The following MXI1 variants were observed in gnomAD, a reference collection of about 807,000 sequenced individuals.
MXI1 encodes max-interacting protein 1.
A neutral mutation model predicts 36.9 loss-of-function variants in MXI1; 18 were observed. The observed-to-expected ratio is 0.49, with a 90% CI of 0.34 to 0.72. MXI1 has a LOEUF of 0.72. MXI1 is among the 30% of genes least tolerant of loss of function. MXI1 has a pLI of 0.01. For missense variants in MXI1, 304 were observed against 379.1 expected, an observed-to-expected ratio of 0.80 and a Z score of 1.64; for synonymous variants, 160 against 146.7, an observed-to-expected ratio of 1.09 and a Z score of -0.65.
At position 110,228,179 on chromosome 10, in the gene MXI1, C is replaced by G. The variant is rs41291898; in HGVS notation, c.275-10C>G. ...CTTCTTACCGTATCTTTTTTTCTTG[C>G]TTTCTTCAGAGTGTGAACATGGCTA... On this transcript the variant is annotated splice_polypyrimidine_tract_variant and intron_variant, in intron 1 of 5. Transcript: ENST00000332674. The G allele has an allele frequency of 6.2e-7, 1 of 1,612,618 alleles. No individual in the cohort carries two copies. Among genetic ancestry groups the G allele is most frequent in the Admixed American group, 1.7e-5 (1 of 59,726 alleles).
At chr10:110,211,467 C>T (rs1265548199) in intron 1 of MXI1, among the ~76,000 whole-genome samples, 1 of 152,234 alleles carries the variant, frequency 6.6e-6, no homozygotes, top group Non-Finnish European at 1.5e-5. Context: ...GGCCCCGATT[C>T]TCCATTTCGG....
chr10:110,251,010 TAAAAAAAA>T (rs60315131), intron 3 of MXI1, among the ~76,000 whole-genome samples: 3 of 54,964 alleles, frequency 5.5e-5, no homozygotes, highest in African/African-American at 1.0e-4. Context: ...AAGTATTTGT[TAAAAAAAA>T]AAAAAAAAAA....
At chr10:110,220,018 T>C (rs1293967298) in intron 1 of MXI1, among the ~76,000 whole-genome samples, 2 of 152,194 alleles carry the variant, frequency 1.3e-5, no homozygotes, top group African/African-American at 4.8e-5. Context: ...ACTCCTACAA[T>C]GTTTCTACCG....
At chr10:110,209,006 A>T (rs924755446) in intron 1 of MXI1, among the ~76,000 whole-genome samples, 1 of 35,338 alleles carries the variant, frequency 2.8e-5, no homozygotes, top group African/African-American at 1.0e-4. Flanking sequence ...CCACCCGCCC[A>T]CCCCCAGATT....
rs1222602323 is a variant in MXI1, at chr10:110,286,207, TTTTAATGTAAAGATTTGCTTC to T, written c.*1221_*1241del. ...CATAGTAAGTTCAGCACTTGTCTCA[TTTTAATGTAAAGATTTGCTTC>T]CATTTTCCTACAGGCAGTCTCTCTC... On this transcript the variant is annotated 3_prime_UTR_variant, in exon 6 of 6. Transcript: ENST00000332674. 1 of 152,652 alleles carries T rather than the reference TTTTAATGTAAAGATTTGCTTC, an allele frequency of 6.6e-6. No homozygotes were observed. Among genetic ancestry groups the T allele is most frequent in the Non-Finnish European group, 1.5e-5 (1 of 68,036 alleles). 9.5% of individuals were successfully genotyped at this position (152,652 alleles called of 1,614,324 possible).
Position 110,228,274 on chromosome 10 carries a change from G to C in MXI1, c.360G>C (p.Arg120=). 6.2e-7 allele frequency: 1 copy of C among 1,614,110 alleles called. No homozygotes were observed. Among genetic ancestry groups the C allele is most frequent in the Non-Finnish European group, 8.5e-7 (1 of 1,180,030 alleles). The change falls in exon 2 of 6, where the codon CGG becomes CGC. Residue 120 remains arginine, a synonymous_variant. Transcript: ENST00000332674. The stretch of plus-strand genomic sequence containing the variant: ...CAAAGCCCCCACGGAGGTTGAGCCG[G>C]GCACAGAAACACAGCAGCGGGAGCA... ...QHSKPPRRLS[R]AQKHSSGSSN... is the part of the protein sequence containing the mutation.
intron 5 of MXI1, among the ~76,000 whole-genome samples, chr10:110,283,508 C>G (rs1366684361): frequency 6.6e-6 from 1 of 151,962 alleles, no homozygotes; most frequent in African/African-American, 2.4e-5. Flanking sequence ...TCGTGATCCA[C>G]CTGCCTCAGC....
intron 2 of MXI1, among the ~76,000 whole-genome samples, chr10:110,241,670 G>A (rs750912540): frequency 6.6e-6 from 1 of 151,724 alleles, no homozygotes; most frequent in Non-Finnish European, 1.5e-5. Flanking sequence ...TATGGTTGTT[G>A]TTTGCTTATT....
At position 110,266,843 on chromosome 10, in the gene MXI1, T is replaced by C. The variant is rs373759058; in HGVS notation, c.438-12337T>C. Among the ~76,000 whole-genome samples the C allele has an allele frequency of 1.4e-4, 21 of 152,360 alleles. No individual in the cohort carries two copies. The East Asian group carries it at 3.1e-3, about 22-fold the overall frequency. On this transcript the variant is annotated intron_variant, in intron 3 of 5. Coordinates refer to ENST00000332674, the MANE Select transcript of MXI1 (RefSeq NM_130439.3). ...GCTTTAGTGCATCAACCTGTGATTA[T>C]TGATTTTTAAAAATTTTAACCCATA...
chr10:110,209,306 A>G (rs1196112403), intron 1 of MXI1, among the ~76,000 whole-genome samples: 1 of 151,852 alleles, frequency 6.6e-6, no homozygotes, highest in African/African-American at 2.4e-5. Flanking sequence ...ATGAGGCGCG[A>G]GTGTGTGTGT....
intron 3 of MXI1, among the ~76,000 whole-genome samples, chr10:110,254,065 C>T (rs555470969): frequency 5.4e-4 from 82 of 152,046 alleles, no homozygotes; most frequent in African/African-American, 1.9e-3. Context: ...TTTCTGCTTG[C>T]AGATATCATG....
At chr10:110,260,622 A>G (rs1422431056) in intron 3 of MXI1, among the ~76,000 whole-genome samples, 5 of 152,026 alleles carry the variant, frequency 3.3e-5, no homozygotes, top group East Asian at 1.9e-4. Context: ...TGTAGCTATA[A>G]TAAGGTTTTA....
At chr10:110,232,419 A>G (rs1855307515) in intron 2 of MXI1, among the ~76,000 whole-genome samples, 1 of 152,092 alleles carries the variant, frequency 6.6e-6, no homozygotes, top group Admixed American at 6.5e-5. Context: ...GCTCAATCAT[A>G]AGTTCCTCAG....
chr10:110,256,846 GTCA>G (rs1466966891), intron 3 of MXI1, among the ~76,000 whole-genome samples: 1 of 152,110 alleles, frequency 6.6e-6, no homozygotes, highest in East Asian at 1.9e-4. Context: ...AACTGATAAT[GTCA>G]TCATCAGCTG....
intron 1 of MXI1, chr10:110,227,394 G>C (rs1269137597): frequency 1.0e-6 from 1 of 988,296 alleles, no homozygotes; most frequent in Admixed American, 6.2e-5. Flanking sequence ...CAGGTGCTGG[G>C]GGAGGTGCGA....
rs1857409969 is a variant in MXI1, at chr10:110,285,575, G to C, written c.*588G>C. On this transcript the variant is annotated 3_prime_UTR_variant, in exon 6 of 6. Transcript: ENST00000332674. ...TCATTTCATGCTCTGCAAAAGGAGA[G>C]ACTCCCATGAAGCCTTTTGAAAGGG... 6.6e-6 allele frequency: 1 copy of C among 151,646 alleles called. No homozygotes were observed. Among genetic ancestry groups the C allele is most frequent in the African/African-American group, 2.4e-5 (1 of 41,160 alleles). 9.4% of individuals were successfully genotyped at this position (151,646 alleles called of 1,614,324 possible). A position where few individuals can be genotyped will look rare whatever the true frequency, so the allele number is the denominator to read the frequency against.
At chr10:110,284,282 CTACTT>C (rs1195905257) in intron 5 of MXI1, among the ~76,000 whole-genome samples, 2 of 152,048 alleles carry the variant, frequency 1.3e-5, no homozygotes, top group South Asian at 2.1e-4. Context: ...ACCTCAAACT[CTACTT>C]TATAATGACT....
At chr10:110,243,996 A>G (rs1855767151) in intron 2 of MXI1, among the ~76,000 whole-genome samples, 1 of 152,014 alleles carries the variant, frequency 6.6e-6, no homozygotes, top group Non-Finnish European at 1.5e-5. Flanking sequence ...CTGCCACTTT[A>G]TACTCTTGGG....
chr10:110,286,852 T>A lies in MXI1; in HGVS notation c.*1865T>A, dbSNP rs1014335450. 1.3e-5 allele frequency: 2 copies of A among 152,226 alleles called. No individual in the cohort carries two copies. Among genetic ancestry groups the A allele is most frequent in the African/African-American group, 4.8e-5 (2 of 41,458 alleles). The allele number at this position is 152,226 out of a possible 1,614,324, so 9.4% of individuals were successfully genotyped here. ...ATGTGAGTGAAAAACTGCATGCCTTTAGAAGCCCAGTATCAGAACTTGCTA... is the reference window on the plus strand; with the variant it reads ...ATGTGAGTGAAAAACTGCATGCCTTAAGAAGCCCAGTATCAGAACTTGCTA... On this transcript the variant is annotated 3_prime_UTR_variant, in exon 6 of 6. Transcript: ENST00000332674.
Sources: gnomAD v4.1 joint callset for allele counts (sites outside exome capture counted in the v4.1 genomes callset) on GRCh38, gnomAD v4.1.1 for gene constraint, MANE v1.5 for transcripts, NCBI Gene and HGNC (gene_info 2026-07-23, HGNC 2026-07-21) for gene names.